The following PLCL2 variants were observed in gnomAD, a reference collection of about 807,000 sequenced individuals.
The protein encoded by PLCL2 is phospholipase C like 2.
PLCL2 carries 4 observed loss-of-function variants against 79.6 expected under a neutral mutation model. The observed-to-expected ratio is 0.05, with a 90% CI of 0.02 to 0.11. PLCL2 has a LOEUF of 0.11. Ranked by LOEUF, PLCL2 falls within the 10% of genes least tolerant of loss-of-function variation. The pLI is 1.00. For synonymous variants in PLCL2, 484 were observed against 457.7 expected, an observed-to-expected ratio of 1.06 and a Z score of -0.73; for missense variants, 895 against 1,291.0, an observed-to-expected ratio of 0.69 and a Z score of 4.70.
chr3:17,090,000 A>G lies in PLCL2; in HGVS notation c.*88A>G. 1 of 1,450,348 alleles carries G rather than the reference A, an allele frequency of 6.9e-7. No homozygotes were observed. Among genetic ancestry groups the G allele is most frequent in the Non-Finnish European group, 9.1e-7 (1 of 1,097,440 alleles). 89.8% of individuals were successfully genotyped at this position (1,450,348 alleles called of 1,614,324 possible). On this transcript the variant is annotated 3_prime_UTR_variant, in exon 6 of 6. Transcript: ENST00000615277. ...CATTTGCTTTGCACTCACTAATGAG[A>G]ATAATATTCGGGATTTTAAAGCACA...
intron 1 of PLCL2, among the ~76,000 whole-genome samples, chr3:16,983,423 C>T (rs2064019559): frequency 6.6e-6 from 1 of 152,144 alleles, no homozygotes; most frequent in Non-Finnish European, 1.5e-5. Flanking sequence ...AATCCCTACA[C>T]TTTGGGAGGC....
intron 1 of PLCL2, among the ~76,000 whole-genome samples, chr3:16,982,765 C>A (rs1261536046): frequency 6.6e-6 from 1 of 152,026 alleles, no homozygotes; most frequent in African/African-American, 2.4e-5. Flanking sequence ...AAAAGCTGTT[C>A]TACAGCTACG....
intron 1 of PLCL2, among the ~76,000 whole-genome samples, chr3:16,891,861 G>T (rs1696359820): frequency 6.6e-6 from 1 of 152,136 alleles, no homozygotes; most frequent in South Asian, 2.1e-4. Flanking sequence ...TGTTTCCTCA[G>T]GTTTCCTTCT....
intron 3 of PLCL2, among the ~76,000 whole-genome samples, chr3:17,034,449 T>C (rs1467109391): frequency 6.6e-6 from 1 of 152,242 alleles, no homozygotes; most frequent in Non-Finnish European, 1.5e-5. Flanking sequence ...TTCATCCAAA[T>C]GCACGGCAAT....
chr3:16,885,461 G>A (rs1246933321), intron 1 of PLCL2, 95 bp downstream of exon 1: 1 of 508,572 alleles, frequency 2.0e-6, no homozygotes, highest in Non-Finnish European at 3.5e-6. Context: ...GAAGCCCACT[G>A]CTAACAGGAA....
intron 1 of PLCL2, among the ~76,000 whole-genome samples, chr3:16,932,349 T>C (rs1344612616): frequency 6.6e-6 from 1 of 152,238 alleles, no homozygotes; most frequent in East Asian, 1.9e-4. Flanking sequence ...ATAACATGCA[T>C]ATTATTTCAT....
At position 16,947,816 on chromosome 3, in the gene PLCL2, G is replaced by A. The variant is rs143726099; in HGVS notation, c.328-61858G>A. Among the ~76,000 whole-genome samples the A allele has an allele frequency of 5.9e-5, 9 of 152,100 alleles. No homozygotes were observed. In the East Asian group the frequency reaches 9.7e-4, roughly 16 times the overall value. On this transcript the variant is annotated intron_variant, in intron 1 of 5. Transcript: ENST00000615277. ...AATTGCTGGTTGAGAGTATTTCTCCGGTTACAAAAACTCATTTCTTAAAAT... is the reference window on the plus strand; with the variant it reads ...AATTGCTGGTTGAGAGTATTTCTCCAGTTACAAAAACTCATTTCTTAAAAT...
At chr3:17,023,652 G>A (rs909716240) in intron 3 of PLCL2, among the ~76,000 whole-genome samples, 2 of 152,068 alleles carry the variant, frequency 1.3e-5, no homozygotes, top group African/African-American at 2.4e-5. Flanking sequence ...TCCCAGTCTC[G>A]GGTATGTCTT....
chr3:16,933,313 A>G (rs1697454843), intron 1 of PLCL2: 2 of 154,634 alleles, frequency 1.3e-5, no homozygotes, highest in Admixed American at 1.3e-4. Flanking sequence ...GTTTTGTTTC[A>G]TTTTGGGAGT....
At chr3:16,928,976 G>GA (rs74213863) in intron 1 of PLCL2, among the ~76,000 whole-genome samples, 150,581 of 150,582 alleles carry the variant, frequency 1, 75,290 homozygotes, top group Non-Finnish European at 1. Flanking sequence ...TGTGAGTTTA[G>GA]AATTTTCTCA....
chr3:16,932,199 A>G (rs1328455011), intron 1 of PLCL2, among the ~76,000 whole-genome samples: 5 of 152,148 alleles, frequency 3.3e-5, no homozygotes, highest in Non-Finnish European at 5.9e-5. Context: ...CTGAATTTAT[A>G]TGTATTTCTT....
In PLCL2 at chr3:17,071,055, G is replaced by A. The variant is rs184500692; in HGVS notation, c.3204+2990G>A. ...TCTGCTTATTTAACAAGTTTCTTGG[G>A]GGATTCTGAGGCACACACAAAAAAA... On this transcript the variant is annotated intron_variant, in intron 5 of 5. Coordinates refer to ENST00000615277, the MANE Select transcript of PLCL2 (RefSeq NM_001144382.2). Among the ~76,000 whole-genome samples the A allele has an allele frequency of 3.5e-3, 538 of 152,136 alleles. 2 individuals are homozygous for A. Among genetic ancestry groups the A allele is most frequent in the Non-Finnish European group, 5.7e-3 (386 of 68,018 alleles).
In PLCL2 at chr3:16,942,493, C is replaced by T. The variant is rs116698500; in HGVS notation, c.327+57127C>T. Among the ~76,000 whole-genome samples, 1,007 of 152,262 alleles carry T rather than the reference C, an allele frequency of 6.6e-3. 7 individuals are homozygous for T. The highest frequency in any genetic ancestry group is 0.011 in the Admixed American group (173 of 15,300). ...AGTGCGTCCTTCCCTCCCAGGTGCT[C>T]ACTGATGGATTTTCAGCACCGAAGC... On this transcript the variant is annotated intron_variant, in intron 1 of 5. Transcript: ENST00000615277.
In PLCL2 at chr3:16,885,198, G is replaced by A. The variant is rs1282112050; in HGVS notation, c.159G>A (p.Gly53=). 44 of 620,802 alleles carry A rather than the reference G, an allele frequency of 7.1e-5. No homozygotes were observed. Among genetic ancestry groups the A allele is most frequent in the Non-Finnish European group, 7.6e-5 (26 of 343,262 alleles). 38.5% of individuals were successfully genotyped at this position (620,802 alleles called of 1,614,324 possible). A position where few individuals can be genotyped will look rare whatever the true frequency, so the allele number is the denominator to read the frequency against. Residue 53 remains glycine, a synonymous_variant, in exon 1 of 6, where the codon GGG becomes GGA. Transcript: ENST00000615277. ...GHGRARYDSG[G]VSNGDCSLGV... is the part of the protein sequence containing the mutation. ...GGCGGGCGCGCTATGACAGCGGCGG[G>A]GTTTCCAACGGAGACTGCAGCCTCG...
chr3:16,931,664 A>T (rs1697395825), intron 1 of PLCL2, among the ~76,000 whole-genome samples: 1 of 152,192 alleles, frequency 6.6e-6, no homozygotes, highest in Admixed American at 6.5e-5. Flanking sequence ...GGTTGCTGCC[A>T]TTTATTACGT....
rs2064661488 is a variant in PLCL2, at chr3:17,036,802, G to A, written c.3019-6072G>A. Among the ~76,000 whole-genome samples, 3 of 152,326 alleles carry A rather than the reference G, an allele frequency of 2.0e-5. No homozygotes were observed. The South Asian group carries it at 6.2e-4, about 32-fold the overall frequency. ...AAAAACTGAAATTTATTTTCTCACAGTTCTGGAGGCTGAGAAGTCCAAAAT... is the reference window on the plus strand; with the variant it reads ...AAAAACTGAAATTTATTTTCTCACAATTCTGGAGGCTGAGAAGTCCAAAAT... On this transcript the variant is annotated intron_variant, in intron 3 of 5. Coordinates refer to ENST00000615277, the MANE Select transcript of PLCL2 (RefSeq NM_001144382.2).
chr3:17,061,933 T>G (rs986291403), intron 4 of PLCL2, among the ~76,000 whole-genome samples: 1 of 152,154 alleles, frequency 6.6e-6, no homozygotes, highest in Non-Finnish European at 1.5e-5. Context: ...CTCTGCTGCT[T>G]GATGACCTAC....
At chr3:17,017,880 A>C (rs899304532) in intron 3 of PLCL2, among the ~76,000 whole-genome samples, 1 of 152,162 alleles carries the variant, frequency 6.6e-6, no homozygotes, top group African/African-American at 2.4e-5. Flanking sequence ...GAAAACGGAG[A>C]ATGCAGATCG....
chr3:16,990,754 A>G (rs1412307498), intron 1 of PLCL2, among the ~76,000 whole-genome samples: 1 of 152,122 alleles, frequency 6.6e-6, no homozygotes, highest in Non-Finnish European at 1.5e-5. Context: ...AGGTTTGGAG[A>G]GGTTTATTGA....
Sources: allele counts gnomAD v4.1 joint callset (sites outside exome capture counted in the v4.1 genomes callset), GRCh38; gene constraint gnomAD v4.1.1; transcripts MANE v1.5; gene names NCBI Gene and HGNC (gene_info 2026-07-23, HGNC 2026-07-21).